Variants in ALPK1 observed in about 807,000 individuals in gnomAD.
ALPK1 encodes alpha kinase 1, also known as alpha-protein kinase 1.
A neutral mutation model predicts 120.6 loss-of-function variants in ALPK1; 110 were observed. The ratio of observed to expected loss-of-function variants is 0.91; its 90% CI spans 0.78 to 1.07. The LOEUF is 1.07. Among genes scored for constraint, ALPK1 ranks in the 50% least tolerant of loss-of-function variants. The probability of loss-of-function intolerance (pLI) is 0.00; values close to 1 mark genes in which losing one functional copy is unlikely to be tolerated. For missense variants in ALPK1, 1,498 were observed against 1,483.9 expected, an observed-to-expected ratio of 1.01 and a Z score of -0.16; for synonymous variants, 582 against 560.3, an observed-to-expected ratio of 1.04 and a Z score of -0.55.
chr4:112,307,978 A>G (rs1479574892), intron 1 of ALPK1, among the ~76,000 whole-genome samples: 2 of 152,054 alleles, frequency 1.3e-5, no homozygotes, highest in East Asian at 3.8e-4. Context: ...GCTTGTCTGT[A>G]AAGGATTTTA....
chr4:112,379,243 C>G (rs1200015672), intron 3 of ALPK1, among the ~76,000 whole-genome samples: 1 of 152,208 alleles, frequency 6.6e-6, no homozygotes, highest in African/African-American at 2.4e-5. Flanking sequence ...TCACGAGTGC[C>G]ACAGAATAGA....
At chr4:112,348,991 A>C (rs1730213348) in intron 2 of ALPK1, among the ~76,000 whole-genome samples, 1 of 152,094 alleles carries the variant, frequency 6.6e-6, no homozygotes, top group African/African-American at 2.4e-5. Context: ...CACCTCAGAC[A>C]GAGGCAGGCT....
chr4:112,302,742 A>AAAC lies in ALPK1; in HGVS notation c.-153+5276_-153+5278dup, dbSNP rs1250254524. 8.6e-5 allele frequency among the ~76,000 whole-genome samples: 13 copies of AAAC among 151,898 alleles called. 1 individual carries two copies. Among genetic ancestry groups the AAAC allele is most frequent in the African/African-American group, 3.1e-4 (13 of 41,366 alleles). Reference sequence around the variant, plus strand: ...AGTATCCTGAAAAAAGCAAGCAAACAAACAAACAAACAAACCCCTTTTTGC... The same window carrying AAAC: ...AGTATCCTGAAAAAAGCAAGCAAACAAACAACAAACAAACAAACCCCTTTTTGC... On this transcript the variant is annotated intron_variant, in intron 1 of 15. Transcript: ENST00000650871.
intron 2 of ALPK1, chr4:112,358,020 C>A: frequency 1.6e-6 from 1 of 627,538 alleles, no homozygotes; most frequent in Non-Finnish European, 3.0e-6. Context: ...CTGGACTTCT[C>A]AGACACTAAT....
At chr4:112,323,882 A>G (rs1045999712) in intron 2 of ALPK1, among the ~76,000 whole-genome samples, 21 of 152,244 alleles carry the variant, frequency 1.4e-4, no homozygotes, top group African/African-American at 4.8e-4. Flanking sequence ...ATCAAGCAGC[A>G]TGAACATCAT....
intron 2 of ALPK1, among the ~76,000 whole-genome samples, chr4:112,333,694 C>T (rs948460351): frequency 3.3e-5 from 5 of 152,168 alleles, no homozygotes; most frequent in Admixed American, 2.0e-4. Context: ...CTTCATTTAG[C>T]ACTTAAGAAT....
chr4:112,357,617 T>C lies in ALPK1; in HGVS notation c.-100-20061T>C. ...TTGCAGATCCCTTTCCCAGTCTGCC[T>C]GGAGAACCCACACATCATCGACAAG... On this transcript the variant is annotated intron_variant, in intron 2 of 15. Coordinates refer to ENST00000650871, the MANE Select transcript of ALPK1 (RefSeq NM_025144.4). 5 of 1,606,434 alleles carry C rather than the reference T, an allele frequency of 3.1e-6. No individual in the cohort carries two copies. The South Asian group carries it at 4.4e-5, about 14-fold the overall frequency.
chr4:112,356,536 G>C (rs1730624257), intron 2 of ALPK1: 1 of 845,530 alleles, frequency 1.2e-6, no homozygotes, highest in Non-Finnish European at 2.0e-6. Context: ...CCTGAGGTGT[G>C]TGTGCTGGGC....
chr4:112,439,098 C>T (rs1052758522), intron 13 of ALPK1, among the ~76,000 whole-genome samples: 3 of 152,178 alleles, frequency 2.0e-5, no homozygotes, highest in Admixed American at 1.3e-4. Context: ...GGCTAATATT[C>T]CCATTGAGTT....
At chr4:112,439,630 C>T in intron 13 of ALPK1, 56 bp from the exon 14 acceptor site, 1 of 1,474,964 alleles carries the variant, frequency 6.8e-7, no homozygotes, top group Non-Finnish European at 9.1e-7. Context: ...TTACCCAAGT[C>T]CAAAGACAAT....
intron 4 of ALPK1, among the ~76,000 whole-genome samples, chr4:112,407,597 C>A (rs1733243225): frequency 6.6e-6 from 1 of 152,192 alleles, no homozygotes; most frequent in South Asian, 2.1e-4. Flanking sequence ...ACAGCTTCAG[C>A]TTCCTTTTCT....
At chr4:112,398,683 G>A (rs1010831497) in intron 4 of ALPK1, among the ~76,000 whole-genome samples, 2 of 152,164 alleles carry the variant, frequency 1.3e-5, no homozygotes, top group African/African-American at 4.8e-5. Flanking sequence ...ACATTTTAGA[G>A]GGATCATTCT....
intron 4 of ALPK1, among the ~76,000 whole-genome samples, chr4:112,398,287 A>G (rs1215605104): frequency 6.6e-6 from 1 of 152,090 alleles, no homozygotes; most frequent in East Asian, 1.9e-4. Flanking sequence ...AACAGACTTA[A>G]ATTTTTTTAA....
In ALPK1 at chr4:112,423,813, T is replaced by C. The variant is rs147846438; in HGVS notation, c.476-131T>C. On this transcript the variant is annotated intron_variant, in intron 5 of 15. Coordinates refer to ENST00000650871, the MANE Select transcript of ALPK1 (RefSeq NM_025144.4). ...GATGATGTCATTGTTGATTTTAAATTATAAAATGGAATGCTTCCAAAGGAG... is the reference window on the plus strand; with the variant it reads ...GATGATGTCATTGTTGATTTTAAATCATAAAATGGAATGCTTCCAAAGGAG... The C allele has an allele frequency of 9.3e-5, 78 of 842,408 alleles. No individual in the cohort carries two copies. The East Asian group carries it at 2.0e-3, about 22-fold the overall frequency. The allele number at this position is 842,408 out of a possible 1,614,324, so 52.2% of individuals were successfully genotyped here.
intron 2 of ALPK1, among the ~76,000 whole-genome samples, chr4:112,341,743 T>C (rs1729872594): frequency 6.6e-6 from 1 of 152,250 alleles, no homozygotes; most frequent in Admixed American, 6.5e-5. Flanking sequence ...TTTTGTTTAG[T>C]GTTGATTCTT....
chr4:112,439,659 G>C, intron 13 of ALPK1, 27 bp from the exon 14 acceptor site: 1 of 1,583,790 alleles, frequency 6.3e-7, no homozygotes, highest in African/African-American at 1.4e-5. Flanking sequence ...CCATTATGCT[G>C]TAATGTTTCT....
At chr4:112,341,026 A>G (rs781013559) in intron 2 of ALPK1, among the ~76,000 whole-genome samples, 23 of 152,136 alleles carry the variant, frequency 1.5e-4, no homozygotes, top group Non-Finnish European at 3.2e-4. Flanking sequence ...CAGCAAACAC[A>G]TGGAACTGGG....
At chr4:112,355,798 T>G (rs967086465) in intron 2 of ALPK1, among the ~76,000 whole-genome samples, 3 of 152,216 alleles carry the variant, frequency 2.0e-5, no homozygotes, top group Non-Finnish European at 2.9e-5. Flanking sequence ...AGCAGCAGAC[T>G]GGAAGTGGGG....
intron 2 of ALPK1, among the ~76,000 whole-genome samples, chr4:112,327,356 T>G (rs1226044774): frequency 6.6e-6 from 1 of 152,222 alleles, no homozygotes; most frequent in Non-Finnish European, 1.5e-5. Context: ...GATAGCAAGC[T>G]AAGTGTTCAG....
Sources: gnomAD v4.1 joint callset for allele counts (sites outside exome capture counted in the v4.1 genomes callset) on GRCh38, gnomAD v4.1.1 for gene constraint, MANE v1.5 for transcripts, NCBI Gene and HGNC (gene_info 2026-07-23, HGNC 2026-07-21) for gene names.